ADARB2: variants seen among roughly 807,000 people sequenced by gnomAD.
The protein encoded by ADARB2 is adenosine deaminase RNA specific B2 (inactive).
Under a neutral mutation model 62.2 loss-of-function variants are expected in ADARB2, and 25 were observed. The ratio of observed to expected loss-of-function variants is 0.40; its 90% CI spans 0.29 to 0.56. The LOEUF (loss-of-function observed/expected upper bound fraction) is 0.56. Among genes scored for constraint, ADARB2 ranks in the 20% least tolerant of loss-of-function variants. The probability of loss-of-function intolerance (pLI) is 0.43; values close to 1 mark genes in which losing one functional copy is unlikely to be tolerated. For synonymous variants in ADARB2, 572 were observed against 500.8 expected, an observed-to-expected ratio of 1.14 and a Z score of -1.90; for missense variants, 1,071 against 1,077.4, an observed-to-expected ratio of 0.99 and a Z score of 0.08.
chr10:1,600,834 GC>G (rs371031058), intron 1 of ADARB2, among the ~76,000 whole-genome samples: 29 of 152,106 alleles, frequency 1.9e-4, no homozygotes, highest in African/African-American at 6.8e-4. Flanking sequence ...ATTCTCTGAG[GC>G]CCCTGTTCCA....
At chr10:1,427,424 G>T (rs1832901497) in intron 1 of ADARB2, among the ~76,000 whole-genome samples, 2 of 152,216 alleles carry the variant, frequency 1.3e-5, no homozygotes, top group Non-Finnish European at 2.9e-5. Context: ...GACAAGAAAA[G>T]ATGTTTCACT....
chr10:1,259,297 A>T (rs1313495348), intron 4 of ADARB2, among the ~76,000 whole-genome samples: 1 of 152,248 alleles, frequency 6.6e-6, no homozygotes, highest in Non-Finnish European at 1.5e-5. Context: ...AATAACTAAG[A>T]TCAGAGCAGA....
chr10:1,362,961 G>A, intron 3 of ADARB2, 67 bp downstream of exon 3: 1 of 1,248,178 alleles, frequency 8.0e-7, no homozygotes, highest in Non-Finnish European at 1.0e-6. Flanking sequence ...TCCCAACAGG[G>A]AAAGGTCGGG....
intron 1 of ADARB2, among the ~76,000 whole-genome samples, chr10:1,421,773 C>T (rs1013152555): frequency 6.6e-6 from 1 of 152,208 alleles, no homozygotes; most frequent in African/African-American, 2.4e-5. Context: ...GGGCAGGGAA[C>T]ATGTTGACAG....
chr10:1,457,863 A>AAAAATCATCCCTCTGTCC (rs138353125), intron 1 of ADARB2, among the ~76,000 whole-genome samples: 1 of 151,316 alleles, frequency 6.6e-6, no homozygotes, highest in Non-Finnish European at 1.5e-5. Flanking sequence ...AGACTGGAAC[A>AAAAATCATCCCTCTGTCC]AAAATCATCC....
At chr10:1,187,834 G>T in intron 8 of ADARB2, 2 of 436,010 alleles carry the variant, frequency 4.6e-6, no homozygotes, top group South Asian at 3.2e-5. Flanking sequence ...CCTTGCATGG[G>T]GGCTTCTTCT....
intron 1 of ADARB2, among the ~76,000 whole-genome samples, chr10:1,593,180 G>A (rs1658383869): frequency 1.7e-5 from 2 of 118,022 alleles, no homozygotes; most frequent in South Asian, 5.7e-4. Context: ...CTCTGGCATG[G>A]TCCCCTCTGT....
chr10:1,551,921 G>C (rs1046221937), intron 1 of ADARB2, among the ~76,000 whole-genome samples: 3 of 152,222 alleles, frequency 2.0e-5, no homozygotes, highest in African/African-American at 7.2e-5. Flanking sequence ...CCTTTATACT[G>C]CAGACATGGA....
At chr10:1,564,398 G>T (rs1310207044) in intron 1 of ADARB2, among the ~76,000 whole-genome samples, 1 of 152,122 alleles carries the variant, frequency 6.6e-6, no homozygotes, top group Non-Finnish European at 1.5e-5. Flanking sequence ...ACAAAAGCCA[G>T]AATTGACAAA....
chr10:1,600,478 T>G (rs899679847), intron 1 of ADARB2, among the ~76,000 whole-genome samples: 2 of 151,966 alleles, frequency 1.3e-5, no homozygotes, highest in African/African-American at 4.8e-5. Context: ...CTGGTCAACA[T>G]GGCGAAAGCC....
intron 1 of ADARB2, among the ~76,000 whole-genome samples, chr10:1,553,589 C>T (rs1588299950): frequency 6.6e-6 from 1 of 152,290 alleles, no homozygotes; most frequent in East Asian, 1.9e-4. Context: ...CTCGAGGAGG[C>T]CGGCTCCGTC....
chr10:1,643,009 G>A (rs1833998113), intron 1 of ADARB2, among the ~76,000 whole-genome samples: 2 of 152,342 alleles, frequency 1.3e-5, no homozygotes, highest in South Asian at 4.1e-4. Context: ...AGGGCCAAGA[G>A]GCCTGGGTGT....
chr10:1,288,621 C>T (rs776562878), intron 3 of ADARB2, among the ~76,000 whole-genome samples: 3 of 152,200 alleles, frequency 2.0e-5, no homozygotes, highest in Non-Finnish European at 4.4e-5. Context: ...GCCTTGGTCA[C>T]AGCTCCCACC....
rs372826605 is a variant in ADARB2 at position 1,473,914 on chromosome 10, G to C, written c.101-94754C>G. Among the ~76,000 whole-genome samples, 5 of 7,798 alleles carry C rather than the reference G, an allele frequency of 6.4e-4. No homozygotes were observed. The East Asian group carries it at 0.025, about 39-fold the overall frequency. 5.1% of individuals were successfully genotyped at this position (7,798 alleles called of 152,430 possible). On this transcript the variant is annotated intron_variant, in intron 1 of 9. Coordinates refer to ENST00000381312, the MANE Select transcript of ADARB2 (RefSeq NM_018702.4). ...TCAAGTTCCACCCTAGAGCTGAAGC[G>C]TGGCCGATTACGGAGGAGCCCTTGG... is the stretch of plus-strand genomic sequence containing the variant.
intron 1 of ADARB2, among the ~76,000 whole-genome samples, chr10:1,457,811 G>T (rs1831113944): frequency 6.6e-6 from 1 of 151,964 alleles, no homozygotes. Context: ...ATCTCACCCT[G>T]ACAATGTCAA....
rs1831672910 is a variant in ADARB2, at chr10:1,309,895, T to C, written c.1078-38826A>G. 3.9e-5 allele frequency among the ~76,000 whole-genome samples: 6 copies of C among 152,264 alleles called. No individual in the cohort carries two copies. In the South Asian group the frequency reaches 1.2e-3, roughly 31 times the overall value. On this transcript the variant is annotated intron_variant, in intron 3 of 9. Coordinates refer to ENST00000381312, the MANE Select transcript of ADARB2 (RefSeq NM_018702.4). ...CTTCAGTTCCCAGCCTCTGCAGCTG[T>C]GTGGACTGCCACCTGCGGGCACACC... is the stretch of plus-strand genomic sequence containing the variant.
intron 1 of ADARB2, among the ~76,000 whole-genome samples, chr10:1,724,963 A>T (rs1835145042): frequency 6.6e-6 from 1 of 152,246 alleles, no homozygotes; most frequent in Non-Finnish European, 1.5e-5. Flanking sequence ...GGCAATGCAC[A>T]TGAAGCTGTT....
At chr10:1,284,519 G>A (rs1316361715) in intron 3 of ADARB2, among the ~76,000 whole-genome samples, 1 of 152,184 alleles carries the variant, frequency 6.6e-6, no homozygotes, top group Admixed American at 6.5e-5. Context: ...CGAGGCTCTC[G>A]ATTGAGATCC....
intron 1 of ADARB2, among the ~76,000 whole-genome samples, chr10:1,654,778 T>C (rs1305181823): frequency 1.3e-5 from 2 of 152,254 alleles, no homozygotes; most frequent in Non-Finnish European, 2.9e-5. Flanking sequence ...TCTACCAGGT[T>C]GGCCCTGCAT....
Sources: allele counts gnomAD v4.1 joint callset (sites outside exome capture counted in the v4.1 genomes callset), GRCh38; gene constraint gnomAD v4.1.1; transcripts MANE v1.5; gene names NCBI Gene and HGNC (gene_info 2026-07-23, HGNC 2026-07-21).